REPS2: variants seen among roughly 807,000 people sequenced by gnomAD.
The protein encoded by REPS2 is ralBP1-associated Eps domain-containing protein 2.
A neutral mutation model predicts 53.6 loss-of-function variants in REPS2; 23 were observed. The ratio of observed to expected loss-of-function variants is 0.43; its 90% confidence interval spans 0.31 to 0.61. The LOEUF is 0.61. REPS2 is among the 20% of genes least tolerant of loss of function. The pLI, the probability that REPS2 is intolerant of heterozygous loss-of-function variation, is 0.11. For missense variants in REPS2, 446 were observed against 534.9 expected, an observed-to-expected ratio of 0.83 and a Z score of 1.64; for synonymous variants, 238 against 218.6, an observed-to-expected ratio of 1.09 and a Z score of -0.78.
intron 5 of REPS2, 80 bp downstream of exon 5, chrX:17,029,703 C>G: frequency 1.7e-6 from 1 of 604,766 alleles, no homozygotes; most frequent in South Asian, 2.8e-5. Context: ...TTTGATGGAC[C>G]CTTTTTCATT....
intron 9 of REPS2, 65 bp from the exon 10 acceptor site, chrX:17,068,337 C>T (rs2062254087): frequency 8.4e-6 from 8 of 955,711 alleles, no homozygotes; most frequent in Non-Finnish European, 8.7e-6. Context: ...TTTTTTTCAT[C>T]ATATGTGCGC....
intron 17 of REPS2, among the ~76,000 whole-genome samples, chrX:17,140,519 A>G (rs1603124761): frequency 9.0e-6 from 1 of 111,001 alleles, no homozygotes; most frequent in East Asian, 2.8e-4. Flanking sequence ...CTTCAGTTCT[A>G]CAATAACATT....
At chrX:17,046,087 C>A (rs940134929) in intron 5 of REPS2, among the ~76,000 whole-genome samples, 1 of 109,960 alleles carries the variant, frequency 9.1e-6, no homozygotes, top group African/African-American at 3.3e-5. Context: ...GGCTCTTTAG[C>A]AGCAATACCC....
At chrX:17,005,374 C>T (rs892123773) in intron 1 of REPS2, among the ~76,000 whole-genome samples, 1 of 111,496 alleles carries the variant, frequency 9.0e-6, no homozygotes. Context: ...TTCAAAAGTA[C>T]AAAGAATAGG....
At chrX:17,013,624 C>CTGTGTGTG (rs10559340) in intron 2 of REPS2, among the ~76,000 whole-genome samples, 1 of 100,173 alleles carries the variant, frequency 1.0e-5, no homozygotes, top group African/African-American at 3.7e-5. Context: ...GTAGCTGGCT[C>CTGTGTGTG]TGTGTGTGTG....
intron 1 of REPS2, among the ~76,000 whole-genome samples, chrX:16,988,032 G>A (rs1376172898): frequency 9.0e-6 from 1 of 111,459 alleles, no homozygotes; most frequent in Non-Finnish European, 1.9e-5. Context: ...CTCATACTTT[G>A]AGAGGCGAGC....
intron 1 of REPS2, 139 bp from the exon 2 acceptor site, chrX:17,006,082 C>A: frequency 3.6e-6 from 2 of 549,374 alleles, no homozygotes; most frequent in African/African-American, 2.3e-5. Flanking sequence ...AGGAAATTGA[C>A]CAGTGGGCAC....
intron 5 of REPS2, among the ~76,000 whole-genome samples, chrX:17,038,967 C>T (rs1310196899): frequency 8.9e-6 from 1 of 112,125 alleles, no homozygotes; most frequent in Non-Finnish European, 1.9e-5. Context: ...CTTTTTGCAC[C>T]TCCAGTCAGT....
At chrX:17,188,125 A>G in the REPS2 span, among the ~76,000 whole-genome samples, 2 of 111,867 alleles carry the variant, frequency 1.8e-5, no homozygotes, top group African/African-American at 6.5e-5. Context: ...GTGAAATGAG[A>G]GTGAATACTA....
At position 17,151,524 on chromosome X, in the gene REPS2, C is replaced by T. The variant is rs1036317865; in HGVS notation, c.*4043C>T. 8 of 112,676 alleles carry T rather than the reference C, an allele frequency of 7.1e-5. 1 individual carries two copies. Among genetic ancestry groups the T allele is most frequent in the Non-Finnish European group, 1.1e-4 (6 of 53,275 alleles). The allele number at this position is 112,676 out of a possible 1,213,427, so 9.3% of individuals were successfully genotyped here. ...GAAACATCTCAATTACAGTGTAACACCTTAGAGCTAAAAACATTTGTTCAA... is the reference window on the plus strand; with the variant it reads ...GAAACATCTCAATTACAGTGTAACATCTTAGAGCTAAAAACATTTGTTCAA... On this transcript the variant is annotated 3_prime_UTR_variant, in exon 18 of 18. Coordinates refer to ENST00000357277, the MANE Select transcript of REPS2 (RefSeq NM_004726.3).
At chrX:17,166,662 T>C in the REPS2 span, among the ~76,000 whole-genome samples, 2 of 111,821 alleles carry the variant, frequency 1.8e-5, no homozygotes, top group African/African-American at 3.3e-5. Context: ...CTACAGAACA[T>C]TGTGTGCCTA....
chrX:17,142,394 A>C (rs991609408), intron 17 of REPS2, among the ~76,000 whole-genome samples: 2 of 111,750 alleles, frequency 1.8e-5, no homozygotes, highest in African/African-American at 6.5e-5. Context: ...AGCACAGTTA[A>C]GAAAATTAAG....
chrX:17,071,195 G>A lies in REPS2; in HGVS notation c.1333+1202G>A, dbSNP rs750085205. On this transcript the variant is annotated intron_variant, in intron 11 of 17. Transcript: ENST00000357277. ...TTATTGGGTGAAATGCTCTGTTAAT[G>A]TAGGCCAACGCCTGGGGTCAGTTCT... is the stretch of plus-strand genomic sequence containing the variant. 5.3e-5 allele frequency among the ~76,000 whole-genome samples: 6 copies of A among 112,357 alleles called. No homozygotes were observed. In the South Asian group the frequency reaches 2.2e-3, roughly 42 times the overall value.
At chrX:17,127,225 A>G (rs1312690095) in intron 14 of REPS2, among the ~76,000 whole-genome samples, 2 of 112,103 alleles carry the variant, frequency 1.8e-5, no homozygotes, top group Non-Finnish European at 3.8e-5. Flanking sequence ...CATGACCGTC[A>G]TCTTTTCTTT....
intron 11 of REPS2, among the ~76,000 whole-genome samples, chrX:17,073,833 T>TC (rs1220721040): frequency 5.6e-5 from 6 of 107,638 alleles, no homozygotes; most frequent in African/African-American, 1.7e-4. Flanking sequence ...GGGGTTGTCT[T>TC]TTTATACTGG....
At position 16,946,932 on chromosome X, in the gene REPS2, G is replaced by GGCC. The variant is rs1237352576; in HGVS notation, c.80_82dup (p.Pro27dup). The GGCC allele has an allele frequency of 9.6e-6, 8 of 833,891 alleles. No individual in the cohort carries two copies. The highest frequency in any genetic ancestry group is 7.4e-5 in the East Asian group (1 of 13,593). The allele number at this position is 833,891 out of a possible 1,213,427, so 68.7% of individuals were successfully genotyped here. Reference sequence around the variant, plus strand: ...GCGGCGGGCGGGGGCTGTGGCTCCGGGCCGCCGCCGCTGCTGCTGAGCGAG... The same window carrying GGCC: ...GCGGCGGGCGGGGGCTGTGGCTCCGGGCCGCCGCCGCCGCTGCTGCTGAGCGAG... On this transcript the variant is annotated inframe_insertion, in exon 1 of 18. Coordinates refer to ENST00000357277, the MANE Select transcript of REPS2 (RefSeq NM_004726.3).
intron 4 of REPS2, 87 bp downstream of exon 4, chrX:17,025,272 A>G (rs1411109101): frequency 4.0e-5 from 37 of 934,012 alleles, no homozygotes; most frequent in Non-Finnish European, 5.1e-5. Context: ...AAGCTGCTTA[A>G]TTTCCTGATT....
chrX:17,082,687 T>C (rs2062473708), intron 13 of REPS2, among the ~76,000 whole-genome samples: 1 of 112,653 alleles, frequency 8.9e-6, no homozygotes, highest in South Asian at 3.6e-4. Context: ...CTATCTCGGA[T>C]AAATTAAGTG....
At chrX:17,186,704 A>G in the REPS2 span, among the ~76,000 whole-genome samples, 1 of 112,113 alleles carries the variant, frequency 8.9e-6, no homozygotes, top group Non-Finnish European at 1.9e-5. Flanking sequence ...GAAACACAGA[A>G]GCACAGGGAG....
Sources: allele counts gnomAD v4.1 joint callset (sites outside exome capture counted in the v4.1 genomes callset), GRCh38; gene constraint gnomAD v4.1.1; transcripts MANE v1.5; gene names NCBI Gene and HGNC (gene_info 2026-07-23, HGNC 2026-07-21).